The following SLC5A7 variants were observed in gnomAD, a reference collection of about 807,000 sequenced individuals.
SLC5A7 encodes solute carrier family 5 member 7.
In SLC5A7, 19 loss-of-function variants were observed where a neutral mutation model predicts 55.4. That is an observed-to-expected ratio of 0.34 (90% confidence interval 0.24 to 0.50). SLC5A7 has a LOEUF of 0.50. SLC5A7 is among the 20% of genes least tolerant of loss of function. The probability of loss-of-function intolerance (pLI) is 0.98; values close to 1 mark genes in which losing one functional copy is unlikely to be tolerated. For missense variants in SLC5A7, 506 were observed against 705.3 expected (o/e 0.72, Z 3.20); for synonymous variants, 265 against 263.7 (o/e 1.00, Z -0.05).
rs181039391 is a variant in SLC5A7 at position 107,992,248 on chromosome 2, C to T, written c.292+29C>T. 7 of 1,335,216 alleles carry T rather than the reference C, an allele frequency of 5.2e-6. No individual in the cohort carries two copies. In the East Asian group the frequency reaches 1.6e-4, roughly 31 times the overall value. The allele number at this position is 1,335,216 out of a possible 1,614,324, so 82.7% of individuals were successfully genotyped here. ...AGTGAAAGTGCAAATCTCAGTGACT[C>T]ACTCAGTAAAGTATACAGAACAAGA... On this transcript the variant is annotated intron_variant, in intron 3 of 8. Transcript: ENST00000264047.
Position 108,013,422 on chromosome 2 carries a change from T to A in SLC5A7, c.*2561T>A, listed in dbSNP as rs889733989. The A allele has an allele frequency of 1.3e-5, 2 of 152,096 alleles. No homozygotes were observed. The highest frequency in any genetic ancestry group is 4.8e-5 in the African/African-American group (2 of 41,410). 9.4% of individuals were successfully genotyped at this position (152,096 alleles called of 1,614,324 possible). On this transcript the variant is annotated 3_prime_UTR_variant, in exon 9 of 9. Transcript: ENST00000264047. ...AAGATTGCAAGGAAGGAAACAATGGTCACAAGGTCTTTACTTATGCACATT... is the reference window on the plus strand; with the variant it reads ...AAGATTGCAAGGAAGGAAACAATGGACACAAGGTCTTTACTTATGCACATT...
At chr2:108,006,558 G>A (rs1182660626) in intron 7 of SLC5A7, among the ~76,000 whole-genome samples, 1 of 151,702 alleles carries the variant, frequency 6.6e-6, no homozygotes, top group African/African-American at 2.4e-5. Context: ...ATGAAACATT[G>A]GTGAGCACAC....
chr2:107,990,443 A>G (rs565556344), intron 2 of SLC5A7, among the ~76,000 whole-genome samples: 7 of 152,316 alleles, frequency 4.6e-5, no homozygotes, highest in African/African-American at 1.2e-4. Context: ...GTTGCCTGGT[A>G]GAAAGATAAA....
At chr2:108,007,128 T>G (rs1462155978) in intron 7 of SLC5A7, among the ~76,000 whole-genome samples, 1 of 152,190 alleles carries the variant, frequency 6.6e-6, no homozygotes, top group Non-Finnish European at 1.5e-5. Context: ...TAAGAGCACT[T>G]AATGAAAATA....
rs544792686 is a variant in SLC5A7, at chr2:108,009,437, G to A, written c.1113+755G>A. On this transcript the variant is annotated intron_variant, in intron 8 of 8. Transcript: ENST00000264047. ...GGTGGTTTGCTGCACCTATTGACCCGTCCTCTAAGTTCCTTCCTTGCACCA... is the reference window on the plus strand; with the variant it reads ...GGTGGTTTGCTGCACCTATTGACCCATCCTCTAAGTTCCTTCCTTGCACCA... Among the ~76,000 whole-genome samples, 6 of 151,996 alleles carry A rather than the reference G, an allele frequency of 3.9e-5. No individual in the cohort carries two copies. The East Asian group carries it at 5.8e-4, about 15-fold the overall frequency.
At chr2:108,002,436 GAGTAAGTGAATTAGT>G (rs1311944153) in intron 6 of SLC5A7, among the ~76,000 whole-genome samples, 4 of 152,202 alleles carry the variant, frequency 2.6e-5, no homozygotes, top group Non-Finnish European at 5.9e-5. Flanking sequence ...TTGAATTACA[GAGTAAGTGAATTAGT>G]AGTGCTAGAG....
intron 6 of SLC5A7, among the ~76,000 whole-genome samples, chr2:108,003,285 C>G (rs1001993844): frequency 6.6e-6 from 1 of 152,156 alleles, no homozygotes; most frequent in African/African-American, 2.4e-5. Context: ...ATAATCACAT[C>G]ATTGTCTGAG....
chr2:107,993,049 A>G lies in SLC5A7; in HGVS notation c.370A>G (p.Lys124Glu), dbSNP rs1271096054. ...AGACCCGTTTCAGCAAATCTATGGA[A>G]AACGCATGGGCGGACTCCTGTTTAT... ...MLDPFQQIYGKRMGGLLFIPA... is the reference protein window; with the variant it reads ...MLDPFQQIYGERMGGLLFIPA... Residue 124 changes from lysine to glutamate, a missense_variant, in exon 4 of 9, where the codon AAA (lysine) becomes GAA (glutamate). Transcript: ENST00000264047. 1.2e-6 allele frequency: 2 copies of G among 1,614,124 alleles called. No homozygotes were observed. The highest frequency in any genetic ancestry group is 2.7e-5 in the African/African-American group (2 of 74,950).
chr2:107,989,337 A>G (rs1677360518), intron 2 of SLC5A7, among the ~76,000 whole-genome samples: 1 of 152,172 alleles, frequency 6.6e-6, no homozygotes, highest in South Asian at 2.1e-4. Context: ...AAAATGATTC[A>G]CCGTGTATAT....
intron 2 of SLC5A7, among the ~76,000 whole-genome samples, chr2:107,991,000 A>C (rs552694741): frequency 6.6e-6 from 1 of 152,324 alleles, no homozygotes; most frequent in Non-Finnish European, 1.5e-5. Flanking sequence ...ATTGCTTAGA[A>C]TATTTTGACT....
At position 108,012,473 on chromosome 2, in the gene SLC5A7, T is replaced by A. The variant is rs1041997281; in HGVS notation, c.*1612T>A. The A allele has an allele frequency of 1.3e-5, 2 of 152,186 alleles. No individual in the cohort carries two copies. Among genetic ancestry groups the A allele is most frequent in the South Asian group, 2.1e-4 (1 of 4,836 alleles). 9.4% of individuals were successfully genotyped at this position (152,186 alleles called of 1,614,324 possible). On this transcript the variant is annotated 3_prime_UTR_variant, in exon 9 of 9. Coordinates refer to ENST00000264047, the MANE Select transcript of SLC5A7 (RefSeq NM_021815.5). Reference sequence around the variant, plus strand: ...GAATTCCTTTTATAAGATTTAATTGTAATTGTCTCAAAGCATCAAATAATA... The same window carrying A: ...GAATTCCTTTTATAAGATTTAATTGAAATTGTCTCAAAGCATCAAATAATA...
chr2:107,994,379 C>G (rs1023655373), intron 4 of SLC5A7, among the ~76,000 whole-genome samples: 1 of 152,110 alleles, frequency 6.6e-6, no homozygotes, highest in Non-Finnish European at 1.5e-5. Context: ...GTCATGAGAT[C>G]GAGACCATCC....
chr2:107,990,173 C>CAG (rs1286828145), intron 2 of SLC5A7, among the ~76,000 whole-genome samples: 8 of 152,074 alleles, frequency 5.3e-5, no homozygotes, highest in Non-Finnish European at 1.0e-4. Context: ...GGATCTGACA[C>CAG]AAAATATACA....
chr2:108,005,181 T>C (rs1678056092), intron 6 of SLC5A7, among the ~76,000 whole-genome samples: 1 of 152,242 alleles, frequency 6.6e-6, no homozygotes, highest in South Asian at 2.1e-4. Context: ...TGTATTGCCT[T>C]GAGCACTCTG....
rs750877779 is a variant in SLC5A7 at position 107,988,348 on chromosome 2, C to T, written c.178+15C>T. 6 of 1,599,722 alleles carry T rather than the reference C, an allele frequency of 3.8e-6. No homozygotes were observed. The Admixed American group carries it at 6.7e-5, about 18-fold the overall frequency. The stretch of plus-strand genomic sequence containing the variant: ...TACCATGACAGGTACGTTCAGACGC[C>T]GCCGGCTCCATGCAGTCCTCCCTTC... On this transcript the variant is annotated intron_variant, in intron 2 of 8. Coordinates refer to ENST00000264047, the MANE Select transcript of SLC5A7 (RefSeq NM_021815.5).
chr2:107,990,521 A>AG (rs1365045570), intron 2 of SLC5A7, among the ~76,000 whole-genome samples: 1 of 152,250 alleles, frequency 6.6e-6, no homozygotes, highest in East Asian at 1.9e-4. Flanking sequence ...TGAAAAAAAA[A>AG]AGCCATTTTA....
rs190932655 is a variant in SLC5A7, at chr2:108,001,396, G to A, written c.598-501G>A. On this transcript the variant is annotated intron_variant, in intron 5 of 8. Transcript: ENST00000264047. ...AAGCATAGAAATAGTCAATGTGGCC[G>A]GGCGCGGTGGCTCACGCCTGTAATC... Among the ~76,000 whole-genome samples, 575 of 152,172 alleles carry A rather than the reference G, an allele frequency of 3.8e-3. 1 individual carries two copies. The highest frequency in any genetic ancestry group is 6.8e-3 in the Non-Finnish European group (464 of 67,988).
rs1678267684 is a variant in SLC5A7 at position 108,010,284 on chromosome 2, G to C, written c.1166G>C (p.Gly389Ala). 1 of 1,613,768 alleles carries C rather than the reference G, an allele frequency of 6.2e-7. No homozygotes were observed. The highest frequency in any genetic ancestry group is 8.5e-7 in the Non-Finnish European group (1 of 1,179,900). The change falls in exon 9 of 9, where the codon GGA becomes GCA. Residue 389 changes from glycine (G) to alanine (A), a missense_variant. This residue lies in a region of SLC5A7 where 309 missense variants were observed against 478.6 expected (regional missense o/e 0.65). Transcript: ENST00000264047. ...ATGCGAATCACAGTGTTTGTGTTTGGAGCATCTGCAACAGCCATGGCCTTG... is the reference window on the plus strand; with the variant it reads ...ATGCGAATCACAGTGTTTGTGTTTGCAGCATCTGCAACAGCCATGGCCTTG... ...WVMRITVFVF[G>A]ASATAMALLT...
chr2:108,009,731 T>C (rs1270446975), intron 8 of SLC5A7, among the ~76,000 whole-genome samples: 1 of 152,196 alleles, frequency 6.6e-6, no homozygotes, highest in Non-Finnish European at 1.5e-5. Flanking sequence ...TTTGGGTTGG[T>C]TCCATGACTT....
Sources: gnomAD v4.1 joint callset for allele counts (sites outside exome capture counted in the v4.1 genomes callset) on GRCh38, gnomAD v4.1.1 for gene constraint, gnomAD v4.1.1 regional missense constraint, MANE v1.5 for transcripts, NCBI Gene and HGNC (gene_info 2026-07-23, HGNC 2026-07-21) for gene names.